The following DNAH6 variants were observed in gnomAD, a reference collection of about 807,000 sequenced individuals.
DNAH6 encodes the protein axonemal beta dynein heavy chain 6.
Under a neutral mutation model 491.4 loss-of-function variants are expected in DNAH6, and 340 were observed. The observed-to-expected ratio is 0.69, with a 90% CI of 0.63 to 0.76. DNAH6 has a LOEUF of 0.76. DNAH6 is among the 30% of genes least tolerant of loss of function. DNAH6 has a pLI of 0.00. For missense variants in DNAH6, 4,443 were observed against 4,972.2 expected (o/e 0.89, Z 3.20); for synonymous variants, 1,603 against 1,686.1 (o/e 0.95, Z 1.21).
intron 63 of DNAH6, among the ~76,000 whole-genome samples, chr2:84,748,744 C>T (rs1228329001): frequency 6.6e-6 from 1 of 152,148 alleles, no homozygotes; most frequent in Non-Finnish European, 1.5e-5. Flanking sequence ...GTAGCAATGC[C>T]CCATTCCTCA....
At chr2:84,685,246 G>C (rs1694156558) in intron 42 of DNAH6, 80 bp from the exon 43 acceptor site, 6 of 1,068,950 alleles carry the variant, frequency 5.6e-6, no homozygotes, top group Non-Finnish European at 7.6e-6. Context: ...TTGTACTTAA[G>C]GGTTTCCTAA....
At chr2:84,596,079 C>T (rs1684549213) in intron 18 of DNAH6, among the ~76,000 whole-genome samples, 1 of 152,230 alleles carries the variant, frequency 6.6e-6, no homozygotes, top group East Asian at 1.9e-4. Flanking sequence ...CTGATGTGCT[C>T]AAACCCTTAG....
intron 22 of DNAH6, among the ~76,000 whole-genome samples, 186 bp from the exon 23 acceptor site, chr2:84,616,699 AT>A (rs1182849741): frequency 6.6e-6 from 1 of 152,138 alleles, no homozygotes; most frequent in Non-Finnish European, 1.5e-5. Flanking sequence ...TTCTATTGCC[AT>A]TACAATTCCA....
chr2:84,555,076 T>C (rs750806221), intron 10 of DNAH6, among the ~76,000 whole-genome samples: 3 of 152,234 alleles, frequency 2.0e-5, no homozygotes, highest in Non-Finnish European at 4.4e-5. Context: ...GAAGTATAAA[T>C]AGGACTATCA....
intron 29 of DNAH6, among the ~76,000 whole-genome samples, chr2:84,632,543 T>C (rs911358131): frequency 2.0e-5 from 3 of 152,210 alleles, no homozygotes; most frequent in African/African-American, 7.2e-5. Flanking sequence ...CCTTTAAAAC[T>C]GTTCAAAAGT....
At chr2:84,646,102 C>G (rs574055029) in intron 33 of DNAH6, among the ~76,000 whole-genome samples, 1 of 152,256 alleles carries the variant, frequency 6.6e-6, no homozygotes, top group East Asian at 1.9e-4. Flanking sequence ...GTATATGTGG[C>G]AATTTTAATA....
chr2:84,627,041 G>A lies in DNAH6; in HGVS notation c.4515+1978G>A, dbSNP rs900975285. 3.3e-5 allele frequency among the ~76,000 whole-genome samples: 5 copies of A among 152,196 alleles called. No individual in the cohort carries two copies. In the East Asian group the frequency reaches 5.8e-4, roughly 18 times the overall value. ...GACATCCGCCAAGGTGGTGCAAATC[G>A]ATACTGGTCCACTTTGAGACCGTGG... On this transcript the variant is annotated intron_variant, in intron 29 of 76. Coordinates refer to ENST00000389394, the MANE Select transcript of DNAH6 (RefSeq NM_001370.2).
At position 84,637,313 on chromosome 2, in the gene DNAH6, A is replaced by G; in HGVS notation, c.4757A>G (p.Asp1586Gly). ...TATGCAGGGAGAACTGAATTGCCAG[A>G]TAATTTGAAAGCCCTGTTTAGACCA... is the stretch of plus-strand genomic sequence containing the variant. Reference protein sequence around the residue: ...PGYAGRTELPDNLKALFRPFA... With the variant: ...PGYAGRTELPGNLKALFRPFA... The change falls in exon 31 of 77, where the codon GAT becomes GGT. Residue 1586 changes from aspartate (D) to glycine (G), a missense_variant. Around this residue, in one of 3 missense-constraint regions of DNAH6, gnomAD observed 2,977 missense variants for 3,296.6 expected, o/e 0.90. Coordinates refer to ENST00000389394, the MANE Select transcript of DNAH6 (RefSeq NM_001370.2). 1 of 1,551,410 alleles carries G rather than the reference A, an allele frequency of 6.4e-7. No individual in the cohort carries two copies. The highest frequency in any genetic ancestry group is 8.7e-7 in the Non-Finnish European group (1 of 1,146,762).
At chr2:84,482,918 C>T in the DNAH6 span, among the ~76,000 whole-genome samples, 3 of 151,728 alleles carry the variant, frequency 2.0e-5, no homozygotes, top group Admixed American at 2.0e-4. Flanking sequence ...GGGAGGTAAA[C>T]ACAAAGCAGT....
rs1457931502 is a variant in DNAH6 at position 84,626,134 on chromosome 2, G to A, written c.4515+1071G>A. ...CCCTAAAAAAAAAACTCATGGATTTGCAGGGATCCTTGTTTGGCTTTATTT... is the reference window on the plus strand; with the variant it reads ...CCCTAAAAAAAAAACTCATGGATTTACAGGGATCCTTGTTTGGCTTTATTT... On this transcript the variant is annotated intron_variant, in intron 29 of 76. Transcript: ENST00000389394. 2.6e-5 allele frequency among the ~76,000 whole-genome samples: 4 copies of A among 151,874 alleles called. No homozygotes were observed. The East Asian group carries it at 7.7e-4, about 29-fold the overall frequency.
chr2:84,460,603 G>T, the DNAH6 span, among the ~76,000 whole-genome samples: 1 of 152,140 alleles, frequency 6.6e-6, no homozygotes, highest in Non-Finnish European at 1.5e-5. Flanking sequence ...TTTGTATCCT[G>T]GAGTATCCCC....
At chr2:84,524,040 A>G (rs527981195) in intron 2 of DNAH6, among the ~76,000 whole-genome samples, 2 of 151,936 alleles carry the variant, frequency 1.3e-5, no homozygotes, top group Non-Finnish European at 2.9e-5. Flanking sequence ...AATACTGTCA[A>G]TGGAGTGTTG....
chr2:84,699,824 C>A, intron 48 of DNAH6, 90 bp downstream of exon 48: 1 of 1,234,960 alleles, frequency 8.1e-7, no homozygotes, highest in South Asian at 1.7e-5. Context: ...CTCATGGGTA[C>A]TTGTATTAGC....
intron 16 of DNAH6, 34 bp from the exon 17 acceptor site, chr2:84,593,938 T>C (rs1443320018): frequency 1.5e-6 from 2 of 1,297,348 alleles, no homozygotes; most frequent in Non-Finnish European, 2.2e-6. Flanking sequence ...ATCTGAAAAC[T>C]AAATTACGCA....
At chr2:84,647,666 T>C (rs1247861116) in intron 33 of DNAH6, among the ~76,000 whole-genome samples, 1 of 151,900 alleles carries the variant, frequency 6.6e-6, no homozygotes, top group East Asian at 1.9e-4. Flanking sequence ...ATTTTAACCC[T>C]TTTCCCATTT....
intron 18 of DNAH6, among the ~76,000 whole-genome samples, chr2:84,600,481 A>G (rs1324178652): frequency 6.6e-6 from 1 of 152,088 alleles, no homozygotes; most frequent in Non-Finnish European, 1.5e-5. Flanking sequence ...ATTACATTTA[A>G]TTGTCATGTC....
At chr2:84,499,192 C>T in the DNAH6 span, among the ~76,000 whole-genome samples, 1 of 152,260 alleles carries the variant, frequency 6.6e-6, no homozygotes, top group Non-Finnish European at 1.5e-5. Context: ...CACAAACCCC[C>T]CACTACCCTT....
intron 33 of DNAH6, among the ~76,000 whole-genome samples, chr2:84,643,959 A>C (rs1477902741): frequency 6.6e-6 from 1 of 151,950 alleles, no homozygotes; most frequent in Non-Finnish European, 1.5e-5. Flanking sequence ...TATGCCTCAT[A>C]ATATTTTCTT....
intron 68 of DNAH6, among the ~76,000 whole-genome samples, chr2:84,794,087 T>C (rs1226838337): frequency 1.3e-5 from 2 of 152,162 alleles, no homozygotes; most frequent in African/African-American, 2.4e-5. Flanking sequence ...AAGGATTCCC[T>C]ATTTAATAAA....
Sources: allele counts gnomAD v4.1 joint callset (sites outside exome capture counted in the v4.1 genomes callset), GRCh38; gene constraint gnomAD v4.1.1; regional missense constraint gnomAD v4.1.1; transcripts MANE v1.5; gene names NCBI Gene and HGNC (gene_info 2026-07-23, HGNC 2026-07-21).